FRMPD3: variants seen among roughly 807,000 people sequenced by gnomAD.
FRMPD3 encodes the protein FERM and PDZ domain-containing protein 3.
FRMPD3 carries 42 observed loss-of-function variants against 97.9 expected under a neutral mutation model. That is an observed-to-expected ratio of 0.43 (90% CI 0.34 to 0.55). The LOEUF (loss-of-function observed/expected upper bound fraction) is 0.55, where lower values mean the gene tolerates loss of function less well. FRMPD3 is among the 20% of genes least tolerant of loss of function. FRMPD3 has a pLI of 0.03. For missense variants in FRMPD3, 1,303 were observed against 1,457.7 expected (o/e 0.89, Z 1.73); for synonymous variants, 577 against 581.1 (o/e 0.99, Z 0.10).
intron 5 of FRMPD3, among the ~76,000 whole-genome samples, chrX:107,546,563 T>C (rs1018912648): frequency 1.8e-5 from 2 of 111,977 alleles, no homozygotes; most frequent in African/African-American, 6.5e-5. Context: ...TCTCACTGCT[T>C]TGGGAGGTTT....
Position 107,491,011 on chromosome X carries a change from T to C in FRMPD3, c.-7-35571T>C, listed in dbSNP as rs1921643602. On this transcript the variant is annotated intron_variant, in intron 1 of 14. Transcript: ENST00000683843. ...TTCATCCTCACAGCGGTGAGGTAGA[T>C]GGTGTTATCATCTGCATTTTACAAC... is the stretch of plus-strand genomic sequence containing the variant. Among the ~76,000 whole-genome samples, 3 of 111,802 alleles carry C rather than the reference T, an allele frequency of 2.7e-5. 1 individual carries two copies. The Admixed American group carries it at 2.8e-4, about 11-fold the overall frequency.
intron 1 of FRMPD3, among the ~76,000 whole-genome samples, chrX:107,479,564 A>G (rs1384819488): frequency 1.8e-5 from 2 of 111,134 alleles, no homozygotes; most frequent in Non-Finnish European, 3.8e-5. Context: ...GGAATGTTCT[A>G]ATTTTTAGGA....
intron 2 of FRMPD3, among the ~76,000 whole-genome samples, chrX:107,529,090 A>G (rs920018165): frequency 1.8e-5 from 2 of 112,718 alleles, no homozygotes; most frequent in African/African-American, 6.4e-5. Flanking sequence ...GGGTAATGTC[A>G]GTGAACATTT....
rs1329216906 is a variant in FRMPD3, at chrX:107,603,735, A to C, written c.*362A>C. On this transcript the variant is annotated 3_prime_UTR_variant, in exon 15 of 15. Transcript: ENST00000683843. ...GGGCGCTGGGGGAGCCAGGGCCTGA[A>C]GCAAGCGGACCCTCAGGCTTTGAGC... is the stretch of plus-strand genomic sequence containing the variant. The C allele has an allele frequency of 6.4e-6, 1 of 157,388 alleles. No homozygotes were observed. Among genetic ancestry groups the C allele is most frequent in the East Asian group, 1.5e-4 (1 of 6,563 alleles). 13.0% of individuals were successfully genotyped at this position (157,388 alleles called of 1,213,427 possible).
chrX:107,484,043 AG>A (rs1921442302), intron 1 of FRMPD3, among the ~76,000 whole-genome samples: 1 of 112,183 alleles, frequency 8.9e-6, no homozygotes, highest in Non-Finnish European at 1.9e-5. Flanking sequence ...TGGCAGGGCC[AG>A]GAACTGGCTG....
chrX:107,575,751 G>A (rs1036999219), intron 12 of FRMPD3, among the ~76,000 whole-genome samples: 1 of 112,405 alleles, frequency 8.9e-6, no homozygotes, highest in Non-Finnish European at 1.9e-5. Context: ...GCGCCGGGCC[G>A]AGCATGACGC....
Position 107,602,904 on chromosome X carries a change from C to G in FRMPD3, c.4865C>G (p.Ser1622Cys). Residue 1622 changes from serine (S) to cysteine (C), a missense_variant, in exon 15 of 15, where the codon TCT becomes TGT. Physicochemically the swap from Ser to Cys is moderately radical, Grantham distance 112 (BLOSUM62 -1). Around this residue, in one of 3 missense-constraint regions of FRMPD3, gnomAD observed 764 missense variants for 820.2 expected, o/e 0.93. Transcript: ENST00000683843. Reference protein sequence around the residue: ...PEARAPKPYVSQISEYKLELA... With the variant: ...PEARAPKPYVCQISEYKLELA... ...GCCCGTGCCCCCAAGCCCTATGTGT[C>G]TCAGATCTCCGAGTATAAGCTTGAG... 1.7e-6 allele frequency: 2 copies of G among 1,211,156 alleles called. No homozygotes were observed. Among genetic ancestry groups the G allele is most frequent in the Non-Finnish European group, 2.2e-6 (2 of 895,445 alleles).
chrX:107,474,314 C>T (rs1329742473), intron 1 of FRMPD3, among the ~76,000 whole-genome samples: 1 of 110,856 alleles, frequency 9.0e-6, no homozygotes, highest in Non-Finnish European at 1.9e-5. Context: ...GTAAGGAATT[C>T]GGAATAGAGA....
chrX:107,484,007 C>A (rs749443280), intron 1 of FRMPD3, among the ~76,000 whole-genome samples: 2 of 112,222 alleles, frequency 1.8e-5, no homozygotes, highest in African/African-American at 6.5e-5. Flanking sequence ...CTCACTCACC[C>A]TCCCTGGGCT....
chrX:107,557,685 GTGTGTGTGTT>G (rs1488879446), intron 8 of FRMPD3, among the ~76,000 whole-genome samples: 1 of 98,896 alleles, frequency 1.0e-5, no homozygotes, highest in African/African-American at 3.8e-5. Flanking sequence ...GTGTGTGTGT[GTGTGTGTGTT>G]TTTTTTTGCA....
In FRMPD3 at chrX:107,490,667, TG is replaced by T. The variant is rs1921636243; in HGVS notation, c.-7-35914del. ...TGTTATTGGTGTATAAGAATGCTTG[TG>T]CTGAATCAAGAACTTCTGTACACTG... On this transcript the variant is annotated intron_variant, in intron 1 of 14. Coordinates refer to ENST00000683843, the MANE Select transcript of FRMPD3 (RefSeq NM_001388459.1). Among the ~76,000 whole-genome samples the T allele has an allele frequency of 1.8e-5, 2 of 112,078 alleles. 1 individual carries two copies. Among genetic ancestry groups the T allele is most frequent in the Non-Finnish European group, 3.8e-5 (2 of 53,219 alleles).
chrX:107,511,505 G>T (rs1922162652), intron 1 of FRMPD3, among the ~76,000 whole-genome samples: 1 of 112,940 alleles, frequency 8.9e-6, no homozygotes, highest in Non-Finnish European at 1.9e-5. Flanking sequence ...AGCATCAGGG[G>T]TTGGGGGCAT....
At chrX:107,558,841 G>T (rs1011482914) in intron 8 of FRMPD3, among the ~76,000 whole-genome samples, 4 of 109,102 alleles carry the variant, frequency 3.7e-5, no homozygotes, top group African/African-American at 1.3e-4. Context: ...GCACCACCAC[G>T]CCCAGCTAAT....
intron 1 of FRMPD3, among the ~76,000 whole-genome samples, chrX:107,480,891 GGAAGGAAA>G (rs1468974877): frequency 0.062 from 4,159 of 67,314 alleles, 156 homozygotes; most frequent in East Asian, 0.15. Flanking sequence ...AAGGAAGGAA[GGAAGGAAA>G]GAAAGAAAGA....
In FRMPD3 at chrX:107,602,722, G is replaced by A. The variant is rs1569432401; in HGVS notation, c.4683G>A (p.Gln1561=). The A allele has an allele frequency of 5.8e-6, 7 of 1,208,248 alleles. No individual in the cohort carries two copies. In the Admixed American group the frequency reaches 1.3e-4, roughly 23 times the overall value. The change falls in exon 15 of 15, where the codon CAG becomes CAA. Residue 1561 remains glutamine, a synonymous_variant. Transcript: ENST00000683843. ...SSSSPEASRT[Q]EIDLRVSTFE... is the part of the protein sequence containing the mutation. ...GCAGCCCTGAGGCCTCCCGCACTCA[G>A]GAGATTGACCTCCGTGTGTCCACCT...
intron 1 of FRMPD3, among the ~76,000 whole-genome samples, chrX:107,486,070 A>G (rs770338917): frequency 1.9e-4 from 21 of 112,330 alleles, no homozygotes; most frequent in African/African-American, 6.1e-4. Flanking sequence ...TGGCCTATCA[A>G]GCTTACTTTA....
intron 1 of FRMPD3, among the ~76,000 whole-genome samples, chrX:107,495,838 A>T (rs1236424116): frequency 2.7e-5 from 3 of 112,611 alleles, no homozygotes; most frequent in Non-Finnish European, 5.6e-5. Context: ...TAAAATAGAA[A>T]TGTATTTTTT....
rs1922902102 is a variant in FRMPD3 at position 107,530,582 on chromosome X, A to C, written c.251+71A>C. ...GACTCACCAGTGACATGGGGCCACC[A>C]CTATCCCCCCCTCGCTCTGAGAGCA... On this transcript the variant is annotated intron_variant, in intron 3 of 14. Coordinates refer to ENST00000683843, the MANE Select transcript of FRMPD3 (RefSeq NM_001388459.1). 3 of 732,020 alleles carry C rather than the reference A, an allele frequency of 4.1e-6. No individual in the cohort carries two copies. The East Asian group carries it at 1.1e-4, about 26-fold the overall frequency. The allele number at this position is 732,020 out of a possible 1,213,427, so 60.3% of individuals were successfully genotyped here.
chrX:107,524,343 A>G lies in FRMPD3; in HGVS notation c.-7-2239A>G, dbSNP rs147634294. ...CATTCCAGCTTCGGAGTGACTTTCT[A>G]TTGAAAAGTGACCATTTATCTTAGT... On this transcript the variant is annotated intron_variant, in intron 1 of 14. Coordinates refer to ENST00000683843, the MANE Select transcript of FRMPD3 (RefSeq NM_001388459.1). 4.4e-3 allele frequency among the ~76,000 whole-genome samples: 499 copies of G among 112,242 alleles called. 2 individuals are homozygous for G. The highest frequency in any genetic ancestry group is 7.8e-3 in the Non-Finnish European group (417 of 53,202).
Sources: allele counts gnomAD v4.1 joint callset (sites outside exome capture counted in the v4.1 genomes callset), GRCh38; gene constraint gnomAD v4.1.1; regional missense constraint gnomAD v4.1.1; transcripts MANE v1.5; gene names NCBI Gene and HGNC (gene_info 2026-07-23, HGNC 2026-07-21).